Variants in PCDH7 observed in about 807,000 individuals in gnomAD.
PCDH7 encodes the protein protocadherin 7.
PCDH7 carries 17 observed loss-of-function variants against 58.9 expected under a neutral mutation model. The observed-to-expected ratio is 0.29, with a 90% confidence interval of 0.20 to 0.43. The LOEUF (loss-of-function observed/expected upper bound fraction) is 0.43. PCDH7 is among the 20% of genes least tolerant of loss of function. The pLI, the probability that PCDH7 is intolerant of heterozygous loss-of-function variation, is 1.00. For missense variants in PCDH7, 1,274 were observed against 1,441.0 expected, an observed-to-expected ratio of 0.88 and a Z score of 1.88; for synonymous variants, 664 against 616.4, an observed-to-expected ratio of 1.08 and a Z score of -1.14.
intron 3 of PCDH7, among the ~76,000 whole-genome samples, chr4:31,109,475 G>A: frequency 6.6e-6 from 1 of 152,188 alleles, no homozygotes; most frequent in Non-Finnish European, 1.5e-5. Context: ...AGTCAAGTTT[G>A]TTGTTAGAAT....
intron 2 of PCDH7, among the ~76,000 whole-genome samples, chr4:30,922,970 T>C (rs1743377558): frequency 6.6e-6 from 1 of 152,194 alleles, no homozygotes; most frequent in South Asian, 2.1e-4. Flanking sequence ...AATGGATCAT[T>C]CTGACATAAA....
At chr4:31,005,591 C>G (rs1447712904) in intron 3 of PCDH7, among the ~76,000 whole-genome samples, 1 of 152,136 alleles carries the variant, frequency 6.6e-6, no homozygotes, top group African/African-American at 2.4e-5. Context: ...GATTTCAAAA[C>G]CATATAACAC....
Position 30,738,183 on chromosome 4 carries a change from A to T in PCDH7, c.70+13587A>T, listed in dbSNP as rs554573330. On this transcript the variant is annotated intron_variant, in intron 1 of 3. Transcript: ENST00000509759. ...AAAGGCCCTATCTCCAAGTACAGTC[A>T]CATTGGAGAATACAGGGCATGATTT... is the stretch of plus-strand genomic sequence containing the variant. 1.4e-4 allele frequency among the ~76,000 whole-genome samples: 22 copies of T among 152,200 alleles called. No homozygotes were observed. The South Asian group carries it at 1.4e-3, about 10-fold the overall frequency.
intron 3 of PCDH7, among the ~76,000 whole-genome samples, chr4:30,986,880 CTGAGGCAGAAGAATCACT>C (rs990983763): frequency 2.0e-5 from 3 of 151,812 alleles, no homozygotes; most frequent in African/African-American, 7.3e-5. Context: ...ACTCAGGAGG[CTGAGGCAGAAGAATCACT>C]TGAACCTGGG....
chr4:30,749,564 C>T (rs1384954542), intron 1 of PCDH7, among the ~76,000 whole-genome samples: 2 of 152,028 alleles, frequency 1.3e-5, no homozygotes, highest in African/African-American at 4.8e-5. Context: ...GTTCAGAATA[C>T]ATAATCTTTG....
At chr4:30,778,714 G>A (rs1426145970) in intron 1 of PCDH7, among the ~76,000 whole-genome samples, 2 of 151,810 alleles carry the variant, frequency 1.3e-5, no homozygotes, top group Non-Finnish European at 2.9e-5. Context: ...AAAGGATACC[G>A]GTGTAACTTA....
chr4:30,738,330 T>G (rs1716587045), intron 1 of PCDH7, among the ~76,000 whole-genome samples: 1 of 152,144 alleles, frequency 6.6e-6, no homozygotes, highest in Admixed American at 6.5e-5. Flanking sequence ...GCTTCCCATT[T>G]TAAAGGAAAC....
chr4:30,998,786 G>A (rs1465399124), intron 3 of PCDH7, among the ~76,000 whole-genome samples: 2 of 152,192 alleles, frequency 1.3e-5, no homozygotes, highest in Admixed American at 1.3e-4. Context: ...AATTTCTATC[G>A]TAGAAAGTGG....
At chr4:31,006,477 A>C (rs890404215) in intron 3 of PCDH7, among the ~76,000 whole-genome samples, 1 of 152,164 alleles carries the variant, frequency 6.6e-6, no homozygotes, top group Non-Finnish European at 1.5e-5. Flanking sequence ...CCAAAGGGAG[A>C]CATATATTTA....
chr4:30,934,076 C>T (rs1745027396), intron 2 of PCDH7, among the ~76,000 whole-genome samples: 1 of 152,202 alleles, frequency 6.6e-6, no homozygotes, highest in Admixed American at 6.5e-5. Flanking sequence ...TTTGAGAATT[C>T]AATTTTGAGA....
intron 3 of PCDH7, among the ~76,000 whole-genome samples, chr4:30,957,299 T>C (rs1379783229): frequency 6.6e-6 from 1 of 152,182 alleles, no homozygotes; most frequent in Non-Finnish European, 1.5e-5. Flanking sequence ...CATTAGCTGA[T>C]TGTAATGGAA....
chr4:30,903,596 C>T (rs1740510839), intron 1 of PCDH7, among the ~76,000 whole-genome samples: 4 of 152,010 alleles, frequency 2.6e-5, no homozygotes. Context: ...ATCTTCATTG[C>T]ATCTTTAAAA....
At chr4:31,136,222 T>C (rs755803976) in intron 3 of PCDH7, among the ~76,000 whole-genome samples, 1 of 152,196 alleles carries the variant, frequency 6.6e-6, no homozygotes, top group Non-Finnish European at 1.5e-5. Context: ...TGACCTACTA[T>C]TTACTGAACA....
intron 2 of PCDH7, among the ~76,000 whole-genome samples, chr4:30,946,104 C>T (rs1427202049): frequency 6.6e-6 from 1 of 152,084 alleles, no homozygotes; most frequent in Admixed American, 6.6e-5. Context: ...GAGTCAGACC[C>T]AGAATGAAAA....
intron 3 of PCDH7, among the ~76,000 whole-genome samples, chr4:31,026,393 C>G (rs1225979165): frequency 6.6e-6 from 1 of 152,184 alleles, no homozygotes; most frequent in Admixed American, 6.5e-5. Flanking sequence ...GCCAGGCTAG[C>G]AGCAAGGGAA....
Position 31,017,412 on chromosome 4 carries a change from C to G in PCDH7, c.*7+67197C>G, listed in dbSNP as rs574110479. Among the ~76,000 whole-genome samples, 83 of 152,186 alleles carry G rather than the reference C, an allele frequency of 5.5e-4. 1 individual carries two copies. Among genetic ancestry groups the G allele is most frequent in the Non-Finnish European group, 9.7e-4 (66 of 68,014 alleles). ...TTAGCTGTTTTTGTTCATATATACA[C>G]TGGTCCCATAGAGATGGGAGGATCT... On this transcript the variant is annotated intron_variant, in intron 3 of 3. Coordinates refer to the PCDH7 transcript ENST00000509759.
At chr4:31,100,792 G>T (rs1714794554) in intron 3 of PCDH7, among the ~76,000 whole-genome samples, 1 of 152,108 alleles carries the variant, frequency 6.6e-6, no homozygotes. Context: ...TAAACTGTTT[G>T]TACTTGAAGT....
intron 1 of PCDH7, among the ~76,000 whole-genome samples, chr4:30,911,694 G>A (rs766894827): frequency 1.8e-4 from 27 of 151,878 alleles, no homozygotes; most frequent in Non-Finnish European, 3.4e-4. Context: ...CATTAGTGGC[G>A]GAAAAAACCC....
intron 1 of PCDH7, among the ~76,000 whole-genome samples, chr4:30,772,031 G>A (rs1470444153): frequency 6.6e-6 from 1 of 151,886 alleles, no homozygotes; most frequent in Admixed American, 6.6e-5. Flanking sequence ...CCACCACGCC[G>A]GGTAATTTTT....
Sources: allele counts gnomAD v4.1 joint callset (sites outside exome capture counted in the v4.1 genomes callset), GRCh38; gene constraint gnomAD v4.1.1; transcripts MANE v1.5; gene names NCBI Gene and HGNC (gene_info 2026-07-23, HGNC 2026-07-21).